Variants in LRRC9 observed in about 807,000 individuals in gnomAD.
The protein encoded by LRRC9 is leucine-rich repeat-containing protein 9.
In LRRC9, 122 loss-of-function variants were observed where a neutral mutation model predicts 63.2. The ratio of observed to expected loss-of-function variants is 1.93; its 90% CI spans 1.67 to 2.24. The LOEUF (loss-of-function observed/expected upper bound fraction) is 2.24, where lower values mean the gene tolerates loss of function less well. Ranked by LOEUF, LRRC9 falls within the 30% of genes most tolerant of loss-of-function variation. The probability of loss-of-function intolerance (pLI) is 0.00; values close to 1 mark genes in which losing one functional copy is unlikely to be tolerated. For synonymous variants in LRRC9, 366 were observed against 213.1 expected (o/e 1.72, Z -6.25); for missense variants, 1,071 against 627.7 (o/e 1.71, Z -7.55).
At chr14:60,037,794 G>A (rs1892580100) in intron 29 of LRRC9, among the ~76,000 whole-genome samples, 1 of 152,066 alleles carries the variant, frequency 6.6e-6, no homozygotes, top group Non-Finnish European at 1.5e-5. Context: ...GTCAATTTTG[G>A]CTTTTGTTGC....
chr14:59,937,053 G>A (rs1208545679), intron 6 of LRRC9, among the ~76,000 whole-genome samples: 2 of 152,078 alleles, frequency 1.3e-5, no homozygotes, highest in African/African-American at 2.4e-5. Context: ...CTCGAAGTTG[G>A]CTGAAAGTAA....
chr14:59,942,959 G>T lies in LRRC9; in HGVS notation c.727-1630G>T, dbSNP rs1220076456. Among the ~76,000 whole-genome samples the T allele has an allele frequency of 1.3e-5, 2 of 151,854 alleles. No homozygotes were observed. Among genetic ancestry groups the T allele is most frequent in the Non-Finnish European group, 2.9e-5 (2 of 67,918 alleles). Reference sequence around the variant, plus strand: ...AGTTCCTTTGCCCACCTTTTGGTTGGATTATTTGTGTGTGTGTGTTTCATT... The same window carrying T: ...AGTTCCTTTGCCCACCTTTTGGTTGTATTATTTGTGTGTGTGTGTTTCATT... On this transcript the variant is annotated intron_variant, in intron 7 of 31. Coordinates refer to ENST00000445360, the Ensembl canonical transcript of LRRC9. The surrounding 1 kb of genome is among the most constrained non-coding windows in gnomAD (Gnocchi z 5.3).
intron 31 of LRRC9, among the ~76,000 whole-genome samples, chr14:60,059,372 C>T (rs1189180284): frequency 1.3e-5 from 2 of 152,166 alleles, no homozygotes; most frequent in Non-Finnish European, 2.9e-5. Flanking sequence ...CCTACAATGA[C>T]TTCTAAGGAA....
At chr14:59,983,332 T>A (rs527392595) in intron 16 of LRRC9, among the ~76,000 whole-genome samples, 1 of 152,212 alleles carries the variant, frequency 6.6e-6, no homozygotes, top group Non-Finnish European at 1.5e-5. Flanking sequence ...ATGTGCAGCA[T>A]AATAAGAGCA....
intron 31 of LRRC9, among the ~76,000 whole-genome samples, chr14:60,059,702 T>C (rs980786606): frequency 1.3e-5 from 2 of 152,080 alleles, no homozygotes; most frequent in African/African-American, 4.8e-5. Context: ...AGGCTGAAAG[T>C]GGTGAGAAAG....
rs1438751419 is a variant in LRRC9 at position 59,923,451 on chromosome 14, T to C, written c.-34+3568T>C. Among the ~76,000 whole-genome samples, 1 of 152,178 alleles carries C rather than the reference T, an allele frequency of 6.6e-6. No homozygotes were observed. Among genetic ancestry groups the C allele is most frequent in the Non-Finnish European group, 1.5e-5 (1 of 68,032 alleles). The stretch of plus-strand genomic sequence containing the variant: ...CTTGTTCTTGAGGATGACTCAAAAC[T>C]GTAATATGGAAGTTCTCCCTAAATT... On this transcript the variant is annotated intron_variant, in intron 1 of 31. Coordinates refer to ENST00000445360, the Ensembl canonical transcript of LRRC9. This position sits in a 1 kb window ranked among gnomAD's most constrained non-coding sequence, Gnocchi z 4.2.
Position 59,984,890 on chromosome 14 carries a change from C to G in LRRC9, c.2092-215C>G, listed in dbSNP as rs571354124. Among the ~76,000 whole-genome samples the G allele has an allele frequency of 5.9e-5, 9 of 152,296 alleles. No homozygotes were observed. The South Asian group carries it at 1.9e-3, about 32-fold the overall frequency. On this transcript the variant is annotated intron_variant, in intron 16 of 31. Transcript: ENST00000445360. ...AAATCATATTAATCAAGAACCAGGT[C>G]TAGTGATACTATTACAAATTATTTA... is the stretch of plus-strand genomic sequence containing the variant.
At chr14:60,029,617 C>G (rs1891831350) in intron 28 of LRRC9, among the ~76,000 whole-genome samples, 1 of 152,070 alleles carries the variant, frequency 6.6e-6, no homozygotes, top group Non-Finnish European at 1.5e-5. Context: ...TGGTAATCTG[C>G]TTTTCCACAA....
chr14:60,013,851 C>T (rs1399362316), intron 23 of LRRC9, among the ~76,000 whole-genome samples: 1 of 151,964 alleles, frequency 6.6e-6, no homozygotes, highest in East Asian at 1.9e-4. Context: ...TGTTCTTTTA[C>T]CTTTTAGCTA....
exon 20 of LRRC9, chr14:60,002,009 G>A (rs1410473447): frequency 7.1e-6 from 5 of 700,860 alleles, no homozygotes; most frequent in Non-Finnish European, 1.3e-5. Context: ...GAGAGACCAC[G>A]GATACTTAGT....
intron 23 of LRRC9, among the ~76,000 whole-genome samples, chr14:60,009,165 A>G (rs1278592110): frequency 6.6e-6 from 1 of 152,238 alleles, no homozygotes; most frequent in African/African-American, 2.4e-5. Flanking sequence ...AAATAAATGT[A>G]GAAAAAACAT....
At chr14:59,978,567 T>C (rs1886571425) in intron 15 of LRRC9, among the ~76,000 whole-genome samples, 1 of 152,156 alleles carries the variant, frequency 6.6e-6, no homozygotes, top group South Asian at 2.1e-4. Flanking sequence ...TATTCTGTGA[T>C]TTTTTTGCCT....
intron 17 of LRRC9, among the ~76,000 whole-genome samples, chr14:59,985,494 A>T (rs1887370057): frequency 6.6e-6 from 1 of 152,222 alleles, no homozygotes; most frequent in Admixed American, 6.5e-5. Flanking sequence ...TGCCAATTTA[A>T]TATTTTTTAA....
At chr14:59,993,725 C>T (rs1237276421) in intron 17 of LRRC9, among the ~76,000 whole-genome samples, 1 of 152,190 alleles carries the variant, frequency 6.6e-6, no homozygotes. Context: ...AAGGCCATTA[C>T]AGAATGGTAA....
chr14:60,040,166 T>A (rs1463182600), intron 29 of LRRC9, among the ~76,000 whole-genome samples: 3 of 151,902 alleles, frequency 2.0e-5, no homozygotes, highest in African/African-American at 7.3e-5. Flanking sequence ...TGCTGAGGAG[T>A]GCTTTACTTC....
chr14:60,035,499 A>C (rs1364537275), intron 29 of LRRC9, among the ~76,000 whole-genome samples: 3 of 152,192 alleles, frequency 2.0e-5, no homozygotes, highest in Non-Finnish European at 4.4e-5. Flanking sequence ...CAAGTCTTCA[A>C]TCCATTTTTA....
At chr14:59,947,077 G>A (rs1295481314) in intron 8 of LRRC9, among the ~76,000 whole-genome samples, 23 of 148,438 alleles carry the variant, frequency 1.5e-4, no homozygotes, top group African/African-American at 3.2e-4. Context: ...CTGAGGAATC[G>A]CCACACTGAC....
intron 17 of LRRC9, among the ~76,000 whole-genome samples, chr14:59,988,644 A>G (rs1162077086): frequency 6.6e-6 from 1 of 152,176 alleles, no homozygotes; most frequent in African/African-American, 2.4e-5. Context: ...TGTTCTTCCC[A>G]TTCTTCCCCA....
At chr14:59,974,886 C>T (rs1885946440) in intron 13 of LRRC9, among the ~76,000 whole-genome samples, 178 bp downstream of exon 13, 1 of 151,290 alleles carries the variant, frequency 6.6e-6, no homozygotes, top group African/African-American at 2.4e-5. Context: ...TTTAGCCACA[C>T]TTTTAACAGA....
Sources: allele counts gnomAD v4.1 joint callset (sites outside exome capture counted in the v4.1 genomes callset), GRCh38; gene constraint gnomAD v4.1.1; non-coding constraint Gnocchi (gnomAD v3.1); transcripts MANE v1.5; gene names NCBI Gene and HGNC (gene_info 2026-07-23, HGNC 2026-07-21).